The following STAB2 variants were observed in gnomAD, a reference collection of about 807,000 sequenced individuals.
The protein encoded by STAB2 is stabilin-2.
A neutral mutation model predicts 338.1 loss-of-function variants in STAB2; 288 were observed. The ratio of observed to expected loss-of-function variants is 0.85; its 90% CI spans 0.77 to 0.94. The LOEUF is 0.94. STAB2 is among the 40% of genes least tolerant of loss of function. The pLI is 0.00. For synonymous variants in STAB2, 1,202 were observed against 1,193.3 expected, an observed-to-expected ratio of 1.01 and a Z score of -0.15; for missense variants, 3,141 against 3,210.1, an observed-to-expected ratio of 0.98 and a Z score of 0.52.
chr12:103,712,122 C>T lies in STAB2; in HGVS notation c.4335-245C>T, dbSNP rs146914810. On this transcript the variant is annotated intron_variant, in intron 40 of 68. Coordinates refer to ENST00000388887, the MANE Select transcript of STAB2 (RefSeq NM_017564.10). The stretch of plus-strand genomic sequence containing the variant: ...GGCTCTCTAAAGCTTGGCAGCTACC[C>T]ATCTTATTCCTGAACTGACACCTAT... Among the ~76,000 whole-genome samples, 195 of 152,330 alleles carry T rather than the reference C, an allele frequency of 1.3e-3. 1 individual carries two copies. The highest frequency in any genetic ancestry group is 4.6e-3 in the African/African-American group (191 of 41,574).
intron 52 of STAB2, among the ~76,000 whole-genome samples, chr12:103,737,143 G>A (rs188847329): frequency 1.9e-3 from 288 of 152,292 alleles, no homozygotes; most frequent in Non-Finnish European, 2.8e-3. Flanking sequence ...GCACATCAGC[G>A]AAGTTCATCC....
chr12:103,707,100 C>A, intron 38 of STAB2, 113 bp downstream of exon 38: 1 of 1,161,050 alleles, frequency 8.6e-7, no homozygotes, highest in Non-Finnish European at 1.2e-6. Context: ...CCCAAGTGGG[C>A]TGGAATCCCA....
chr12:103,761,437 G>A, intron 66 of STAB2, 27 bp downstream of exon 66: 1 of 1,603,188 alleles, frequency 6.2e-7, no homozygotes, highest in Non-Finnish European at 8.5e-7. Flanking sequence ...CCTGATAACG[G>A]GCCAGGAGGA....
At chr12:103,724,448 G>A (rs1270190398) in intron 44 of STAB2, among the ~76,000 whole-genome samples, 3 of 152,188 alleles carry the variant, frequency 2.0e-5, no homozygotes, top group African/African-American at 4.8e-5. Context: ...AGAGGAACAT[G>A]GGGTGAGTGT....
chr12:103,722,039 T>C (rs1880808799), intron 44 of STAB2, among the ~76,000 whole-genome samples: 1 of 152,154 alleles, frequency 6.6e-6, no homozygotes, highest in African/African-American at 2.4e-5. Flanking sequence ...GCCATTCAAG[T>C]GAAGATTTCC....
chr12:103,734,450 CGATCATACAGGAGCAAGCAT>C (rs1424390413), intron 51 of STAB2, among the ~76,000 whole-genome samples: 1 of 151,590 alleles, frequency 6.6e-6, no homozygotes, highest in Non-Finnish European at 1.5e-5. Flanking sequence ...GGAGCAAGCA[CGATCATACAGGAGCAAGCAT>C]GATCATATAG....
intron 60 of STAB2, among the ~76,000 whole-genome samples, chr12:103,751,474 C>G (rs1373615583): frequency 6.6e-6 from 1 of 152,150 alleles, no homozygotes; most frequent in African/African-American, 2.4e-5. Context: ...AGACCAAATG[C>G]AGTGGTGGTG....
chr12:103,716,620 G>A (rs976648004), intron 43 of STAB2, among the ~76,000 whole-genome samples: 5 of 152,214 alleles, frequency 3.3e-5, no homozygotes, highest in East Asian at 3.9e-4. Context: ...CCTAAAGTAC[G>A]CAAAAATAAG....
chr12:103,593,031 T>C (rs1161820491), intron 2 of STAB2, among the ~76,000 whole-genome samples: 1 of 152,224 alleles, frequency 6.6e-6, no homozygotes, highest in Non-Finnish European at 1.5e-5. Context: ...TATTTCAGTG[T>C]ATGTATATAC....
At chr12:103,714,441 T>A (rs1880138894) in intron 42 of STAB2, among the ~76,000 whole-genome samples, 1 of 152,334 alleles carries the variant, frequency 6.6e-6, no homozygotes, top group African/African-American at 2.4e-5. Flanking sequence ...GGCTCACACC[T>A]CTAATCCCAG....
intron 3 of STAB2, among the ~76,000 whole-genome samples, chr12:103,613,589 C>T (rs1255225798): frequency 6.6e-6 from 1 of 152,150 alleles, no homozygotes; most frequent in African/African-American, 2.4e-5. Flanking sequence ...ATCTGTTACC[C>T]CTTTCCTTGG....
chr12:103,711,510 G>C lies in STAB2; in HGVS notation c.4328G>C (p.Ser1443Thr). Reference protein sequence around the residue: ...EDNCNGTCHTSANCLTNSDGT... With the variant: ...EDNCNGTCHTTANCLTNSDGT... ...AACTGCAATGGGACATGCCATACCA[G>C]CGCCAAGTAGGTAGCCCTGGGCCAC... The change falls in exon 40 of 69, where the codon AGC (serine) becomes ACC (threonine). Residue 1443 changes from serine (S) to threonine (T), a missense_variant. Transcript: ENST00000388887. The C allele has an allele frequency of 1.9e-6, 3 of 1,614,110 alleles. No individual in the cohort carries two copies. Among genetic ancestry groups the C allele is most frequent in the Non-Finnish European group, 2.5e-6 (3 of 1,180,016 alleles).
At chr12:103,602,856 G>A (rs112645469) in intron 3 of STAB2, among the ~76,000 whole-genome samples, 4,323 of 152,092 alleles carry the variant, frequency 0.028, 100 homozygotes, top group African/African-American at 0.055. Flanking sequence ...TTCCAGTCTC[G>A]TAACATTGCC....
rs748285042 is a variant in STAB2, at chr12:103,759,184, T to G, written c.7159T>G (p.Phe2387Val). ...CCACCTCGCCAATGTCAGCATGTTT[T>G]TCTACAATGACCTTGTCAATGGCAC... ...EHHLANVSMF[F>V]YNDLVNGTTL... Residue 2387 changes from phenylalanine to valine, a missense_variant, in exon 65 of 69, where the codon TTC (phenylalanine) becomes GTC (valine). Coordinates refer to ENST00000388887, the MANE Select transcript of STAB2 (RefSeq NM_017564.10). The G allele has an allele frequency of 5.0e-5, 81 of 1,614,094 alleles. No individual in the cohort carries two copies. Among genetic ancestry groups the G allele is most frequent in the Non-Finnish European group, 6.1e-5 (72 of 1,180,048 alleles).
chr12:103,648,959 G>A (rs150808205), intron 10 of STAB2, 136 bp downstream of exon 10: 25 of 1,140,352 alleles, frequency 2.2e-5, no homozygotes, highest in Middle Eastern at 2.1e-4. Context: ...TCATGCAGGT[G>A]AGAGGGAAAG....
In STAB2 at chr12:103,673,996, A is replaced by C. The variant is rs1254553731; in HGVS notation, c.2461A>C (p.Arg821=). 6.2e-7 allele frequency: 1 copy of C among 1,614,098 alleles called. No homozygotes were observed. Among genetic ancestry groups the C allele is most frequent in the South Asian group, 1.1e-5 (1 of 91,086 alleles). The change falls in exon 23 of 69, where the codon AGA becomes CGA. Residue 821 remains arginine, a synonymous_variant. Transcript: ENST00000388887. The part of the protein sequence containing the change: ...TGTCRDGSAG[R]LCDKQTSACG... ...CACATGCAGAGACGGCTCTGCCGGG[A>C]GACTCTGTGATAAGCAGACCTCAGC... is the stretch of plus-strand genomic sequence containing the variant.
chr12:103,624,245 C>T lies in STAB2; in HGVS notation c.487+2134C>T, dbSNP rs115722221. On this transcript the variant is annotated intron_variant, in intron 5 of 68. Coordinates refer to ENST00000388887, the MANE Select transcript of STAB2 (RefSeq NM_017564.10). ...GTATCTTTATCTCCAGTACCTTCTA[C>T]GTGCTGCCTGCCTGGTAGACACTCA... Among the ~76,000 whole-genome samples, 821 of 152,356 alleles carry T rather than the reference C, an allele frequency of 5.4e-3. 6 individuals are homozygous for T. Among genetic ancestry groups the T allele is most frequent in the African/African-American group, 0.019 (793 of 41,588 alleles).
At chr12:103,600,823 CTA>C (rs1956943196) in intron 3 of STAB2, among the ~76,000 whole-genome samples, 1 of 75,180 alleles carries the variant, frequency 1.3e-5, no homozygotes, top group South Asian at 4.4e-4. Context: ...CTTTGCACAG[CTA>C]CAGGCAGACA....
In STAB2 at chr12:103,733,211, C is replaced by G. The variant is rs752727999; in HGVS notation, c.5460+29C>G. On this transcript the variant is annotated intron_variant, in intron 51 of 68. Coordinates refer to ENST00000388887, the MANE Select transcript of STAB2 (RefSeq NM_017564.10). Reference sequence around the variant, plus strand: ...TTTAGTTTACATGCAGACATAAGTGCAAGAATGTCCCAGGGTGGTGATAAA... The same window carrying G: ...TTTAGTTTACATGCAGACATAAGTGGAAGAATGTCCCAGGGTGGTGATAAA... 1.9e-6 allele frequency: 3 copies of G among 1,607,640 alleles called. No individual in the cohort carries two copies. In the South Asian group the frequency reaches 3.3e-5, roughly 18 times the overall value.
Sources: gnomAD v4.1 joint callset for allele counts (sites outside exome capture counted in the v4.1 genomes callset) on GRCh38, gnomAD v4.1.1 for gene constraint, MANE v1.5 for transcripts, NCBI Gene and HGNC (gene_info 2026-07-23, HGNC 2026-07-21) for gene names.